FER: variants seen among roughly 807,000 people sequenced by gnomAD.
FER encodes the protein FER tyrosine kinase, also known as tyrosine-protein kinase Fer.
FER carries 63 observed loss-of-function variants against 111.0 expected under a neutral mutation model. The observed-to-expected ratio is 0.57, with a 90% CI of 0.46 to 0.70. The LOEUF is 0.70. FER is among the 30% of genes least tolerant of loss of function. FER has a pLI of 0.00. For missense variants in FER, 914 were observed against 954.0 expected (o/e 0.96, Z 0.55); for synonymous variants, 327 against 313.9 (o/e 1.04, Z -0.44).
intron 9 of FER, chr5:108,894,567 T>C (rs1056179132): frequency 3.6e-5 from 15 of 412,006 alleles, no homozygotes; most frequent in Admixed American, 3.6e-4. Context: ...GATGCTCAGG[T>C]CATTCTTGAG....
At chr5:109,145,003 A>T (rs1753920564) in intron 17 of FER, among the ~76,000 whole-genome samples, 1 of 151,952 alleles carries the variant, frequency 6.6e-6, no homozygotes, top group East Asian at 1.9e-4. Context: ...AGGTCAAAAA[A>T]ATCTGACCAG....
At chr5:108,816,865 G>C (rs1758333684) in intron 3 of FER, among the ~76,000 whole-genome samples, 1 of 152,002 alleles carries the variant, frequency 6.6e-6, no homozygotes, top group Non-Finnish European at 1.5e-5. Flanking sequence ...ACTCTGGGAG[G>C]CTGAGGTGGG....
chr5:108,823,945 AT>A (rs1323827486), intron 3 of FER, among the ~76,000 whole-genome samples: 1 of 151,880 alleles, frequency 6.6e-6, no homozygotes, highest in African/African-American at 2.4e-5. Context: ...TTTTGAGTTG[AT>A]TTTTGTGTAT....
At chr5:109,066,190 A>G (rs1775070817) in intron 16 of FER, among the ~76,000 whole-genome samples, 1 of 152,134 alleles carries the variant, frequency 6.6e-6, no homozygotes, top group Non-Finnish European at 1.5e-5. Flanking sequence ...TTCAAAATGA[A>G]TATATCTCAT....
intron 16 of FER, among the ~76,000 whole-genome samples, chr5:109,094,644 T>C (rs1747256824): frequency 6.6e-6 from 1 of 152,178 alleles, no homozygotes; most frequent in East Asian, 1.9e-4. Flanking sequence ...ACTCTGTCAT[T>C]ATAGCATGAA....
intron 16 of FER, among the ~76,000 whole-genome samples, chr5:109,050,566 A>AAAT (rs1214681238): frequency 6.6e-6 from 1 of 152,250 alleles, no homozygotes; most frequent in Admixed American, 6.5e-5. Flanking sequence ...AACTGTCTTA[A>AAAT]AAATGTTTAC....
chr5:109,060,951 G>C (rs188939865), intron 16 of FER, among the ~76,000 whole-genome samples: 1 of 152,174 alleles, frequency 6.6e-6, no homozygotes, highest in Admixed American at 6.5e-5. Flanking sequence ...AATCCAGCCA[G>C]AACTTTAACT....
chr5:109,133,324 G>A (rs1355886032), intron 17 of FER, among the ~76,000 whole-genome samples: 2 of 152,092 alleles, frequency 1.3e-5, no homozygotes, highest in African/African-American at 4.8e-5. Flanking sequence ...AAACAGAAAA[G>A]TTTTGTCTGA....
At chr5:109,088,434 G>C (rs1321740602) in intron 16 of FER, among the ~76,000 whole-genome samples, 1 of 152,004 alleles carries the variant, frequency 6.6e-6, no homozygotes, top group African/African-American at 2.4e-5. Flanking sequence ...AAATATTTAA[G>C]CAGGCATTTT....
chr5:108,931,142 T>C (rs527509741), intron 10 of FER, among the ~76,000 whole-genome samples: 5 of 152,296 alleles, frequency 3.3e-5, no homozygotes, highest in Middle Eastern at 3.4e-3. Flanking sequence ...TCATAGAAGA[T>C]TAAAATGGGC....
chr5:108,748,500 G>C (rs1423677980), intron 1 of FER: 1 of 152,344 alleles, frequency 6.6e-6, no homozygotes. Context: ...GCCTCCCAAA[G>C]TTTCCTGTGA....
At chr5:109,075,374 AT>A (rs1348537220) in intron 16 of FER, among the ~76,000 whole-genome samples, 2 of 148,244 alleles carry the variant, frequency 1.3e-5, no homozygotes, top group African/African-American at 5.0e-5. Context: ...TTTGAATATT[AT>A]TTTCTAGATT....
At chr5:109,054,475 G>A (rs1773369475) in intron 16 of FER, among the ~76,000 whole-genome samples, 1 of 152,060 alleles carries the variant, frequency 6.6e-6, no homozygotes, top group African/African-American at 2.4e-5. Context: ...TGGGTTGGTT[G>A]TTTTCTTGTA....
At chr5:109,010,963 T>A (rs1361487647) in intron 13 of FER, among the ~76,000 whole-genome samples, 2 of 152,170 alleles carry the variant, frequency 1.3e-5, no homozygotes, top group Admixed American at 6.5e-5. Flanking sequence ...AACATACATA[T>A]GGAAAAATGT....
intron 5 of FER, among the ~76,000 whole-genome samples, chr5:108,836,176 ATTAT>A (rs1480411256): frequency 3.3e-5 from 5 of 152,056 alleles, no homozygotes; most frequent in Admixed American, 1.3e-4. Context: ...TTTTACCTGT[ATTAT>A]TTAAGTCATT....
chr5:108,754,930 G>A (rs969451818), intron 1 of FER, among the ~76,000 whole-genome samples: 5 of 152,184 alleles, frequency 3.3e-5, no homozygotes, highest in African/African-American at 4.8e-5. Flanking sequence ...GAAGTACCAC[G>A]TATAATATAC....
chr5:108,848,679 A>C (rs1443755605), intron 5 of FER, among the ~76,000 whole-genome samples: 1 of 151,920 alleles, frequency 6.6e-6, no homozygotes, highest in Non-Finnish European at 1.5e-5. Context: ...TACACACTAC[A>C]TTGTTTTTGT....
intron 10 of FER, among the ~76,000 whole-genome samples, chr5:108,934,866 T>C (rs766524668): frequency 3.3e-5 from 5 of 152,066 alleles, no homozygotes; most frequent in Non-Finnish European, 5.9e-5. Context: ...TAGTTAGAGA[T>C]AATGTTCTAA....
intron 17 of FER, among the ~76,000 whole-genome samples, chr5:109,164,081 G>A (rs1220889842): frequency 6.6e-6 from 1 of 152,164 alleles, no homozygotes; most frequent in Non-Finnish European, 1.5e-5. Flanking sequence ...TAATGTTTGA[G>A]ATTATAGCTG....
Sources: gnomAD v4.1 joint callset for allele counts (sites outside exome capture counted in the v4.1 genomes callset) on GRCh38, gnomAD v4.1.1 for gene constraint, MANE v1.5 for transcripts, NCBI Gene and HGNC (gene_info 2026-07-23, HGNC 2026-07-21) for gene names.